Variants in JAKMIP3 observed in about 807,000 individuals in gnomAD.
The protein encoded by JAKMIP3 is Janus kinase and microtubule interacting protein 3.
A neutral mutation model predicts 118.5 loss-of-function variants in JAKMIP3; 58 were observed. The ratio of observed to expected loss-of-function variants is 0.49; its 90% CI spans 0.40 to 0.61. JAKMIP3 has a LOEUF of 0.61. JAKMIP3 is among the 20% of genes least tolerant of loss of function. The pLI is 0.00. For synonymous variants in JAKMIP3, 486 were observed against 451.2 expected (o/e 1.08, Z -0.98); for missense variants, 950 against 1,109.0 (o/e 0.86, Z 2.04).
rs577730414 is a variant in JAKMIP3 at position 132,143,000 on chromosome 10, G to A, written c.1602+952G>A. 3.9e-5 allele frequency among the ~76,000 whole-genome samples: 6 copies of A among 152,240 alleles called. No individual in the cohort carries two copies. In the South Asian group the frequency reaches 6.2e-4, roughly 16 times the overall value. On this transcript the variant is annotated intron_variant, in intron 11 of 23. Transcript: ENST00000684848. The stretch of plus-strand genomic sequence containing the variant: ...GTCCACGCTAGTGCCCCAGGGAGCC[G>A]CCAGCCTCATCCTCTGTCCACCCAG...
At chr10:132,164,995 A>G (rs1042751682) in intron 21 of JAKMIP3, among the ~76,000 whole-genome samples, 2 of 152,222 alleles carry the variant, frequency 1.3e-5, no homozygotes, top group South Asian at 2.1e-4. Flanking sequence ...GGGCCCAGCC[A>G]TGCGACCGCA....
At chr10:132,060,464 C>T (rs2038360359), upstream of JAKMIP3, among the ~76,000 whole-genome samples, 1 of 152,080 alleles carries the variant, frequency 6.6e-6, no homozygotes, top group African/African-American at 2.4e-5. Flanking sequence ...GGACACTTAG[C>T]GAATTCGGAA....
chr10:132,171,835 A>G (rs1223550266), intron 23 of JAKMIP3, among the ~76,000 whole-genome samples: 1 of 151,886 alleles, frequency 6.6e-6, no homozygotes, highest in Non-Finnish European at 1.5e-5. Flanking sequence ...TTGTATTTTT[A>G]GTAGAGACGG....
chr10:132,046,114 G>A (rs907281892), intron 1 of JAKMIP3, among the ~76,000 whole-genome samples: 1 of 151,948 alleles, frequency 6.6e-6, no homozygotes, highest in Non-Finnish European at 1.5e-5. Context: ...CAGCTTCCAC[G>A]CTCCCACCAC....
At chr10:132,053,705 G>T (rs1257751915) in intron 1 of JAKMIP3, among the ~76,000 whole-genome samples, 1 of 152,168 alleles carries the variant, frequency 6.6e-6, no homozygotes, top group East Asian at 1.9e-4. Flanking sequence ...TTTGAAGAGG[G>T]TTTGGCGCTG....
chr10:132,164,004 G>A (rs566790681), intron 20 of JAKMIP3, among the ~76,000 whole-genome samples: 9 of 152,352 alleles, frequency 5.9e-5, no homozygotes, highest in African/African-American at 1.7e-4. Flanking sequence ...CAGCTTCTCC[G>A]TGAGCCAGGT....
chr10:132,097,313 G>A (rs138173043), intron 1 of JAKMIP3, among the ~76,000 whole-genome samples: 12 of 152,290 alleles, frequency 7.9e-5, no homozygotes, highest in South Asian at 6.2e-4. Flanking sequence ...GTCACTCTGC[G>A]GCGAGAAGGG....
intron 1 of JAKMIP3, among the ~76,000 whole-genome samples, chr10:132,094,386 G>T (rs2043556176): frequency 6.6e-6 from 1 of 152,134 alleles, no homozygotes; most frequent in Non-Finnish European, 1.5e-5. Context: ...ATTTGGGTAG[G>T]CTCTGTCAGA....
Position 132,118,215 on chromosome 10 carries a change from C to T in JAKMIP3, c.633+641C>T, listed in dbSNP as rs1319195679. 6.6e-6 allele frequency among the ~76,000 whole-genome samples: 1 copy of T among 152,190 alleles called. No homozygotes were observed. Among genetic ancestry groups the T allele is most frequent in the African/African-American group, 2.4e-5 (1 of 41,454 alleles). ...TGAGGTCTAACGTTGGCATCTGGTG[C>T]AGCCTAATAGCTCCAGAGACCTGGG... is the stretch of plus-strand genomic sequence containing the variant. On this transcript the variant is annotated intron_variant, in intron 3 of 23. Coordinates refer to ENST00000684848, the MANE Select transcript of JAKMIP3 (RefSeq NM_001323087.2). The surrounding 1 kb of genome is among the most constrained non-coding windows in gnomAD (Gnocchi z 4.8).
At chr10:132,093,382 G>C (rs1422711663) in intron 1 of JAKMIP3, among the ~76,000 whole-genome samples, 1 of 152,226 alleles carries the variant, frequency 6.6e-6, no homozygotes, top group African/African-American at 2.4e-5. Flanking sequence ...ACAGAGGCAG[G>C]CAGGCAGGCC....
At position 132,135,131 on chromosome 10, in the gene JAKMIP3, G is replaced by A. The variant is rs542645419; in HGVS notation, c.940G>A (p.Ala314Thr). The change falls in exon 5 of 24, where the codon GCA (alanine) becomes ACA (threonine). Residue 314 changes from alanine to threonine, a missense_variant. Transcript: ENST00000684848. ...AIIRKLEDRNALLSEERNELL... is the reference protein window; with the variant it reads ...AIIRKLEDRNTLLSEERNELL... ...TATCCGCAAACTGGAGGACCGCAAT[G>A]CATTGCTGTCGGAAGAGAGGAATGA... The A allele has an allele frequency of 2.4e-5, 38 of 1,611,690 alleles. No homozygotes were observed. Among genetic ancestry groups the A allele is most frequent in the African/African-American group, 2.0e-4 (15 of 75,042 alleles).
chr10:132,069,288 G>T (rs971919775), intron 1 of JAKMIP3, among the ~76,000 whole-genome samples: 1 of 152,092 alleles, frequency 6.6e-6, no homozygotes, highest in African/African-American at 2.4e-5. Context: ...GGAGGCCTCG[G>T]TTTTTCTTCT....
At chr10:132,091,366 G>A (rs2043066050) in intron 1 of JAKMIP3, among the ~76,000 whole-genome samples, 1 of 152,166 alleles carries the variant, frequency 6.6e-6, no homozygotes, top group Admixed American at 6.6e-5. Flanking sequence ...TCTGTTTAAT[G>A]TTGACAGTGG....
intron 1 of JAKMIP3, among the ~76,000 whole-genome samples, chr10:132,080,749 A>G (rs1382665889): frequency 1.3e-5 from 2 of 151,656 alleles, no homozygotes; most frequent in African/African-American, 4.8e-5. Flanking sequence ...CGAACTCCCA[A>G]CCTCAAGCAG....
intron 1 of JAKMIP3, among the ~76,000 whole-genome samples, chr10:132,045,135 C>T (rs1199303765): frequency 6.6e-6 from 1 of 152,136 alleles, no homozygotes; most frequent in Non-Finnish European, 1.5e-5. Flanking sequence ...AGGTTCCCAC[C>T]AGCCGTGCAC....
Position 132,118,372 on chromosome 10 carries a change from AT to A in JAKMIP3, c.633+802del, listed in dbSNP as rs987775775. Among the ~76,000 whole-genome samples, 14 of 152,104 alleles carry A rather than the reference AT, an allele frequency of 9.2e-5. No homozygotes were observed. Among genetic ancestry groups the A allele is most frequent in the African/African-American group, 3.4e-4 (14 of 41,408 alleles). ...CCTTTGGAGAGGAGACTGTCCTGTG[AT>A]TTTGGGGGAAATGGAGCTCTGTCTT... On this transcript the variant is annotated intron_variant, in intron 3 of 23. Coordinates refer to ENST00000684848, the MANE Select transcript of JAKMIP3 (RefSeq NM_001323087.2). The surrounding 1 kb of genome is among the most constrained non-coding windows in gnomAD (Gnocchi z 4.8).
At chr10:132,106,679 G>A (rs528315859) in intron 2 of JAKMIP3, among the ~76,000 whole-genome samples, 9 of 152,350 alleles carry the variant, frequency 5.9e-5, no homozygotes, top group South Asian at 4.1e-4. Flanking sequence ...CAGAGGCCCC[G>A]ACTCGCTGCA....
rs377157993 is a variant in JAKMIP3, at chr10:132,147,977, C to A, written c.1775C>A (p.Ala592Asp). Residue 592 changes from alanine (A) to aspartate (D), a missense_variant, in exon 14 of 24, where the codon GCT (alanine) becomes GAT (aspartate). Coordinates refer to ENST00000684848, the MANE Select transcript of JAKMIP3 (RefSeq NM_001323087.2). ...EKIKQMETEE[A>D]RLRHEVQDAR... is the part of the protein sequence containing the mutation. ...ATCAAACAAATGGAGACGGAAGAGG[C>A]TCGGCTCAGACACGAGGTGCAGGAC... is the stretch of plus-strand genomic sequence containing the variant. 108 of 1,609,598 alleles carry A rather than the reference C, an allele frequency of 6.7e-5. No homozygotes were observed. Among genetic ancestry groups the A allele is most frequent in the Admixed American group, 1.0e-4 (6 of 59,426 alleles).
At chr10:132,124,200 C>T (rs1589870603) in intron 3 of JAKMIP3, among the ~76,000 whole-genome samples, 1 of 152,262 alleles carries the variant, frequency 6.6e-6, no homozygotes, top group Admixed American at 6.5e-5. Context: ...CCCGGCAGCA[C>T]CCGTCCTTCT....
Sources: gnomAD v4.1 joint callset for allele counts (sites outside exome capture counted in the v4.1 genomes callset) on GRCh38, gnomAD v4.1.1 for gene constraint, Gnocchi (gnomAD v3.1) non-coding constraint, MANE v1.5 for transcripts, NCBI Gene and HGNC (gene_info 2026-07-23, HGNC 2026-07-21) for gene names.